ELL: variants seen among roughly 807,000 people sequenced by gnomAD.
The protein encoded by ELL is elongation factor for RNA polymerase II.
A neutral mutation model predicts 64.0 loss-of-function variants in ELL; 18 were observed. The ratio of observed to expected loss-of-function variants is 0.28; its 90% CI spans 0.19 to 0.42. The LOEUF (loss-of-function observed/expected upper bound fraction) is 0.42, where lower values mean the gene tolerates loss of function less well. Ranked by LOEUF, ELL falls within the 10% of genes least tolerant of loss-of-function variation. The probability of loss-of-function intolerance (pLI) is 1.00; values close to 1 mark genes in which losing one functional copy is unlikely to be tolerated. For synonymous variants in ELL, 399 were observed against 376.2 expected, an observed-to-expected ratio of 1.06 and a Z score of -0.70; for missense variants, 797 against 870.4, an observed-to-expected ratio of 0.92 and a Z score of 1.06.
intron 2 of ELL, chr19:18,471,068 G>A: frequency 2.3e-6 from 1 of 441,430 alleles, no homozygotes; most frequent in Admixed American, 2.6e-5. Flanking sequence ...GTACAACATG[G>A]TAACTCTAAA....
chr19:18,446,802 G>C lies in ELL; in HGVS notation c.1478C>G (p.Thr493Ser), dbSNP rs771174545. The change falls in exon 9 of 12, where the codon ACC becomes AGC. Residue 493 changes from threonine (T) to serine (S), a missense_variant. By Grantham distance (58) the Thr-to-Ser change is moderately conservative. Transcript: ENST00000262809. ...APADTPGLNGTCSVSSVPTST... is the reference protein window; with the variant it reads ...APADTPGLNGSCSVSSVPTST... ...CGTGGGAACACTGGAAACGCTGCAG[G>C]TTCCGTTTAAACCTACGAGAGCAAA... 1.9e-6 allele frequency: 3 copies of C among 1,614,120 alleles called. No homozygotes were observed. Among genetic ancestry groups the C allele is most frequent in the Non-Finnish European group, 2.5e-6 (3 of 1,180,030 alleles).
Position 18,501,996 on chromosome 19 carries a change from C to T in ELL, c.135+19925G>A, listed in dbSNP as rs1404597672. Among the ~76,000 whole-genome samples the T allele has an allele frequency of 2.0e-5, 3 of 152,142 alleles. No individual in the cohort carries two copies. The highest frequency in any genetic ancestry group is 4.8e-5 in the African/African-American group (2 of 41,426). ...GGGTGGTTTGGGGTCAGAAGACACA[C>T]GATCAGGAACCAGGCGTCACCCCCA... On this transcript the variant is annotated intron_variant, in intron 1 of 11. Transcript: ENST00000262809. This position sits in a 1 kb window ranked among gnomAD's most constrained non-coding sequence, Gnocchi z 4.5.
chr19:18,443,079 C>T lies in ELL; in HGVS notation c.*1673G>A, dbSNP rs907998979. The T allele has an allele frequency of 3.9e-5, 9 of 232,456 alleles. No homozygotes were observed. Among genetic ancestry groups the T allele is most frequent in the South Asian group, 3.6e-4 (2 of 5,532 alleles). 14.4% of individuals were successfully genotyped at this position (232,456 alleles called of 1,614,324 possible). A position where few individuals can be genotyped will look rare whatever the true frequency, so the allele number is the denominator to read the frequency against. ...CCCAGGGCAGAGGGGCGGGCAGTCC[C>T]GGGCTGGGACCTCCTGAAATCATCC... On this transcript the variant is annotated 3_prime_UTR_variant, in exon 12 of 12. Coordinates refer to ENST00000262809, the MANE Select transcript of ELL (RefSeq NM_006532.4).
rs1555732683 is a variant in ELL, at chr19:18,462,367, G to GTGTGTGTGTGT, written c.470-516_470-515insACACACACACA. 5.9e-4 allele frequency among the ~76,000 whole-genome samples: 47 copies of GTGTGTGTGTGT among 79,394 alleles called. 3 individuals are homozygous for GTGTGTGTGTGT. Among genetic ancestry groups the GTGTGTGTGTGT allele is most frequent in the African/African-American group, 8.7e-4 (13 of 14,916 alleles). The allele number at this position is 79,394 out of a possible 152,430, so 52.1% of individuals were successfully genotyped here. On this transcript the variant is annotated intron_variant, in intron 4 of 11. Transcript: ENST00000262809. ...TGTGTGTGTGTGTGTGTGTGTGTTT[G>GTGTGTGTGTGT]GGCGGGGGGCGGGGGGGGAAGGATT...
At chr19:18,467,329 C>T (rs1407325618) in intron 2 of ELL, among the ~76,000 whole-genome samples, 2 of 152,058 alleles carry the variant, frequency 1.3e-5, no homozygotes, top group African/African-American at 2.4e-5. Flanking sequence ...CTGGGGTCTG[C>T]CCAGCATCCC....
rs1975441037 is a variant in ELL at position 18,487,376 on chromosome 19, TGAG to T, written c.136-14497_136-14495del. On this transcript the variant is annotated intron_variant, in intron 1 of 11. Coordinates refer to ENST00000262809, the MANE Select transcript of ELL (RefSeq NM_006532.4). ...CCAGGCCCCAGTCTTCCTTCGTGCT[TGAG>T]GAGCAGCTGGGTTTGGGGGACAGTT... Among the ~76,000 whole-genome samples, 3 of 152,348 alleles carry T rather than the reference TGAG, an allele frequency of 2.0e-5. No individual in the cohort carries two copies. In the South Asian group the frequency reaches 6.2e-4, roughly 32 times the overall value.
At chr19:18,452,802 G>A (rs370124031) in intron 6 of ELL, among the ~76,000 whole-genome samples, 4 of 152,322 alleles carry the variant, frequency 2.6e-5, no homozygotes, top group East Asian at 3.9e-4. Context: ...GTGGCCTCAG[G>A]AGAAGAAGAA....
intron 1 of ELL, among the ~76,000 whole-genome samples, chr19:18,485,549 G>A (rs1174930682): frequency 1.3e-5 from 2 of 152,164 alleles, no homozygotes; most frequent in Non-Finnish European, 1.5e-5. Flanking sequence ...AGGGAGACCA[G>A]GGAGACCAGG....
chr19:18,485,522 C>T (rs1382934724), intron 1 of ELL, among the ~76,000 whole-genome samples: 3 of 152,146 alleles, frequency 2.0e-5, no homozygotes, highest in African/African-American at 7.2e-5. Context: ...CCATCTCCTC[C>T]CAGGGCCAGG....
At chr19:18,492,632 A>T (rs1484511749) in intron 1 of ELL, among the ~76,000 whole-genome samples, 1 of 152,198 alleles carries the variant, frequency 6.6e-6, no homozygotes, top group Non-Finnish European at 1.5e-5. Flanking sequence ...TGAGCGACTG[A>T]TAACTCTCCT....
Position 18,451,628 on chromosome 19 carries a change from C to T in ELL, c.890G>A (p.Ser297Asn), listed in dbSNP as rs2303694. 0.14 allele frequency: 208,232 copies of T among 1,504,256 alleles called. 15,107 individuals carry two copies. Among genetic ancestry groups the T allele is most frequent in the South Asian group, 0.2 (16,259 of 79,360 alleles). The allele number at this position is 1,504,256 out of a possible 1,614,324, so 93.2% of individuals were successfully genotyped here. The stretch of plus-strand genomic sequence containing the variant: ...AGGGTCTCCAAGGAGGCTGCCAGTG[C>T]TCTGTGGCTGGCACAGCTTCCTGCG... ...VLVRKLCQPQ[S>N]TGSLLGDPAA... Residue 297 changes from serine to asparagine, a missense_variant, in exon 7 of 12, where the codon AGC becomes AAC. Physicochemically the swap from Ser to Asn is conservative, Grantham distance 46 (BLOSUM62 1). Transcript: ENST00000262809.
At chr19:18,454,223 G>A (rs1974603098) in intron 6 of ELL, among the ~76,000 whole-genome samples, 1 of 152,334 alleles carries the variant, frequency 6.6e-6, no homozygotes, top group South Asian at 2.1e-4. Flanking sequence ...TTAGAGGCCG[G>A]GCCCGATGGC....
intron 6 of ELL, 106 bp downstream of exon 6, chr19:18,458,098 GC>G: frequency 6.5e-7 from 1 of 1,543,444 alleles, no homozygotes. Context: ...CTGCTCCCAA[GC>G]CCTGTGGCCT....
chr19:18,476,469 C>A (rs1975178235), intron 1 of ELL, among the ~76,000 whole-genome samples: 1 of 150,848 alleles, frequency 6.6e-6, no homozygotes, highest in East Asian at 2.0e-4. Flanking sequence ...ACACACTGGC[C>A]CTCCCACCCA....
At chr19:18,480,248 G>T (rs1277149360) in intron 1 of ELL, among the ~76,000 whole-genome samples, 19 of 152,194 alleles carry the variant, frequency 1.2e-4, no homozygotes, top group Admixed American at 1.2e-3. Context: ...ACAAATGATT[G>T]GGAAACGCTA....
At position 18,472,658 on chromosome 19, in the gene ELL, G is replaced by A. The variant is rs139597388; in HGVS notation, c.183+177C>T. On this transcript the variant is annotated intron_variant, in intron 2 of 11. Transcript: ENST00000262809. ...GCAGCCTGTGACGTGCACCCGACACGTCCTGGTGTGGCCCCAGCCAAGGGG... is the reference window on the plus strand; with the variant it reads ...GCAGCCTGTGACGTGCACCCGACACATCCTGGTGTGGCCCCAGCCAAGGGG... 1.8e-3 allele frequency: 1,290 copies of A among 717,526 alleles called. 12 individuals carry two copies. In the African/African-American group the frequency reaches 0.021, roughly 12 times the overall value. The allele number at this position is 717,526 out of a possible 1,614,324, so 44.4% of individuals were successfully genotyped here.
intron 10 of ELL, 101 bp from the exon 11 acceptor site, chr19:18,445,369 G>T: frequency 1.9e-6 from 2 of 1,075,650 alleles, no homozygotes; most frequent in East Asian, 2.5e-5. Flanking sequence ...GCATGGGAGG[G>T]TGGGGCAGCC....
intron 1 of ELL, among the ~76,000 whole-genome samples, chr19:18,473,925 G>A (rs555005529): frequency 1.4e-4 from 21 of 152,210 alleles, no homozygotes; most frequent in Middle Eastern, 3.4e-3. Context: ...CACTGCTCAG[G>A]TCTCACTCCC....
chr19:18,520,589 A>C (rs1976243847), intron 1 of ELL, among the ~76,000 whole-genome samples: 1 of 152,056 alleles, frequency 6.6e-6, no homozygotes, highest in South Asian at 2.1e-4. Context: ...GGGCACCGGG[A>C]GAGTGGTGGA....
Sources: allele counts gnomAD v4.1 joint callset (sites outside exome capture counted in the v4.1 genomes callset), GRCh38; gene constraint gnomAD v4.1.1; non-coding constraint Gnocchi (gnomAD v3.1); transcripts MANE v1.5; gene names NCBI Gene and HGNC (gene_info 2026-07-23, HGNC 2026-07-21).